CUBN: variants seen among roughly 807,000 people sequenced by gnomAD.
CUBN encodes the protein 460 kDa receptor.
In CUBN, 282 loss-of-function variants were observed where a neutral mutation model predicts 405.3. The observed-to-expected ratio is 0.70, with a 90% CI of 0.63 to 0.77. The LOEUF is 0.77. Ranked by LOEUF, CUBN falls within the 30% of genes least tolerant of loss-of-function variation. The pLI, the probability that CUBN is intolerant of heterozygous loss-of-function variation, is 0.00. For synonymous variants in CUBN, 1,684 were observed against 1,617.0 expected (o/e 1.04, Z -0.99); for missense variants, 4,514 against 4,475.2 (o/e 1.01, Z -0.25).
intron 10 of CUBN, among the ~76,000 whole-genome samples, chr10:17,107,296 G>T (rs553062446): frequency 6.6e-6 from 1 of 152,204 alleles, no homozygotes; most frequent in Admixed American, 6.5e-5. Context: ...ACATCTCATT[G>T]CAGAAATATA....
chr10:16,965,444 CTGTAAT>C (rs1843362034), intron 31 of CUBN, among the ~76,000 whole-genome samples: 1 of 152,174 alleles, frequency 6.6e-6, no homozygotes, highest in African/African-American at 2.4e-5. Context: ...CCCCTCTCTG[CTGTAAT>C]CAAAACCCTG....
intron 39 of CUBN, among the ~76,000 whole-genome samples, chr10:16,933,516 T>A (rs1842419458): frequency 6.6e-6 from 1 of 152,194 alleles, no homozygotes; most frequent in Admixed American, 6.5e-5. Flanking sequence ...TCACCATAAT[T>A]TTGCTATATA....
chr10:16,848,439 C>T (rs561668414), intron 60 of CUBN, among the ~76,000 whole-genome samples: 4 of 152,232 alleles, frequency 2.6e-5, no homozygotes, highest in East Asian at 1.9e-4. Flanking sequence ...CAGTGCTAAA[C>T]GCTCTAGTAC....
intron 28 of CUBN, among the ~76,000 whole-genome samples, chr10:17,019,162 A>G (rs983166203): frequency 5.9e-5 from 9 of 152,138 alleles, no homozygotes; most frequent in Non-Finnish European, 1.3e-4. Flanking sequence ...GGGGCTCTCC[A>G]CTTGCAGATT....
In CUBN at chr10:16,921,836, A is replaced by T. The variant is rs939587134; in HGVS notation, c.6647-1699T>A. Among the ~76,000 whole-genome samples, 28 of 152,330 alleles carry T rather than the reference A, an allele frequency of 1.8e-4. No homozygotes were observed. The Middle Eastern group carries it at 0.01, about 56-fold the overall frequency. On this transcript the variant is annotated intron_variant, in intron 43 of 66. Coordinates refer to ENST00000377833, the MANE Select transcript of CUBN (RefSeq NM_001081.4). Reference sequence around the variant, plus strand: ...TATTCCGTATTTACAGATTCAGTCTAGATCCCTGTTCTGACCTCGAGATTC... The same window carrying T: ...TATTCCGTATTTACAGATTCAGTCTTGATCCCTGTTCTGACCTCGAGATTC...
chr10:16,827,671 G>A (rs1206649751), intron 66 of CUBN, among the ~76,000 whole-genome samples: 2 of 152,170 alleles, frequency 1.3e-5, no homozygotes, highest in Non-Finnish European at 2.9e-5. Context: ...GCGCCATCTC[G>A]GCTCACTGCA....
chr10:17,105,407 G>T, intron 11 of CUBN, 50 bp downstream of exon 11: 1 of 1,054,478 alleles, frequency 9.5e-7, no homozygotes, highest in South Asian at 1.2e-5. Context: ...TTATAGGCGT[G>T]AAACTAATTC....
In CUBN at chr10:17,119,376, G is replaced by A. The variant is rs543196134; in HGVS notation, c.593+3419C>T. ...TGTCTTAAATCCAAAGTAAGCAGGGGAGGCTGGGCACGGTGGCTCACGCCT... is the reference window on the plus strand; with the variant it reads ...TGTCTTAAATCCAAAGTAAGCAGGGAAGGCTGGGCACGGTGGCTCACGCCT... On this transcript the variant is annotated intron_variant, in intron 6 of 66. Coordinates refer to ENST00000377833, the MANE Select transcript of CUBN (RefSeq NM_001081.4). Among the ~76,000 whole-genome samples the A allele has an allele frequency of 4.6e-5, 7 of 152,290 alleles. No homozygotes were observed. The South Asian group carries it at 1.4e-3, about 32-fold the overall frequency.
At chr10:16,892,032 T>C (rs1236113518) in intron 54 of CUBN, among the ~76,000 whole-genome samples, 2 of 152,154 alleles carry the variant, frequency 1.3e-5, no homozygotes, top group Non-Finnish European at 2.9e-5. Context: ...ACACATCTCT[T>C]CTCAAGGATA....
At chr10:16,948,757 T>G in intron 34 of CUBN, 151 bp from the exon 35 acceptor site, 1 of 884,388 alleles carries the variant, frequency 1.1e-6, no homozygotes, top group Non-Finnish European at 1.8e-6. Flanking sequence ...GGTCAATGTT[T>G]GAGACAATAC....
chr10:16,914,118 T>G, intron 47 of CUBN, 126 bp from the exon 48 acceptor site: 1 of 1,002,730 alleles, frequency 1.0e-6, no homozygotes, highest in Admixed American at 2.0e-5. Context: ...CCATATTTAT[T>G]TATGTGCATG....
chr10:16,936,052 A>G (rs1842494627), intron 39 of CUBN, among the ~76,000 whole-genome samples: 1 of 152,104 alleles, frequency 6.6e-6, no homozygotes, highest in Non-Finnish European at 1.5e-5. Context: ...AAACTCTAAA[A>G]TTCTCTTGAC....
chr10:16,988,315 C>T (rs978797863), intron 29 of CUBN, among the ~76,000 whole-genome samples: 7 of 152,192 alleles, frequency 4.6e-5, no homozygotes, highest in African/African-American at 1.7e-4. Context: ...TGCAGGCGAG[C>T]GAGGCCATCT....
At chr10:17,059,869 T>C (rs1031587334) in intron 22 of CUBN, among the ~76,000 whole-genome samples, 3 of 152,246 alleles carry the variant, frequency 2.0e-5, no homozygotes, top group African/African-American at 7.2e-5. Flanking sequence ...TCATATTTTA[T>C]ATCTGGCAAA....
At chr10:17,108,797 A>C (rs943675985) in intron 10 of CUBN, among the ~76,000 whole-genome samples, 1 of 152,120 alleles carries the variant, frequency 6.6e-6, no homozygotes, top group African/African-American at 2.4e-5. Context: ...TAAAACAAAA[A>C]CAACATGCCA....
chr10:16,983,757 G>A (rs2131700106), intron 30 of CUBN, among the ~76,000 whole-genome samples: 1 of 152,304 alleles, frequency 6.6e-6, no homozygotes, highest in East Asian at 1.9e-4. Flanking sequence ...TTTAATGTTT[G>A]CAAGTTTGAT....
At chr10:16,867,098 T>C (rs1388606034) in intron 59 of CUBN, among the ~76,000 whole-genome samples, 2 of 152,300 alleles carry the variant, frequency 1.3e-5, no homozygotes, top group African/African-American at 2.4e-5. Flanking sequence ...TTAGTTAAGA[T>C]CGAAACGGAA....
intron 51 of CUBN, 78 bp downstream of exon 51, chr10:16,903,884 CAAAA>C (rs1841478533): frequency 2.1e-5 from 21 of 1,022,904 alleles, no homozygotes; most frequent in Non-Finnish European, 2.9e-5. Flanking sequence ...ATAAATCTAA[CAAAA>C]TATATATGAA....
intron 55 of CUBN, among the ~76,000 whole-genome samples, chr10:16,889,526 C>T (rs1487123775): frequency 6.6e-6 from 1 of 152,188 alleles, no homozygotes; most frequent in Non-Finnish European, 1.5e-5. Flanking sequence ...TCCATCCTTC[C>T]TAATCAAAAT....
Sources: allele counts gnomAD v4.1 joint callset (sites outside exome capture counted in the v4.1 genomes callset), GRCh38; gene constraint gnomAD v4.1.1; transcripts MANE v1.5; gene names NCBI Gene and HGNC (gene_info 2026-07-23, HGNC 2026-07-21).